FBXO15: variants seen among roughly 807,000 people sequenced by gnomAD.
The protein encoded by FBXO15 is F-box protein 15.
FBXO15 carries 30 observed loss-of-function variants against 49.5 expected under a neutral mutation model. That is an observed-to-expected ratio of 0.61 (90% CI 0.45 to 0.82). The LOEUF (loss-of-function observed/expected upper bound fraction) is 0.82. Ranked by LOEUF, FBXO15 falls within the 40% of genes least tolerant of loss-of-function variation. FBXO15 has a pLI of 0.00. For missense variants in FBXO15, 591 were observed against 631.5 expected, an observed-to-expected ratio of 0.94 and a Z score of 0.69; for synonymous variants, 250 against 232.7, an observed-to-expected ratio of 1.07 and a Z score of -0.68.
At position 74,140,262 on chromosome 18, in the gene FBXO15, T is replaced by C. The variant is rs1488866809; in HGVS notation, c.167A>G (p.His56Arg). 10 of 1,551,480 alleles carry C rather than the reference T, an allele frequency of 6.4e-6. No individual in the cohort carries two copies. The highest frequency in any genetic ancestry group is 1.4e-5 in the African/African-American group (1 of 73,054). ...LSAGSAALRC[H>R]AGGGQHWESS... Reference sequence around the variant, plus strand: ...CTCCCAGTGCTGTCCACCTCCGGCATGGCACCTCAGGGCAGCAGAGCCTGC... The same window carrying C: ...CTCCCAGTGCTGTCCACCTCCGGCACGGCACCTCAGGGCAGCAGAGCCTGC... Residue 56 changes from histidine (H) to arginine (R), a missense_variant, in exon 2 of 10, where the codon CAT becomes CGT. His to Arg is a conservative substitution (Grantham distance 29, BLOSUM62 0). Transcript: ENST00000419743.
intron 4 of FBXO15, 115 bp downstream of exon 4, chr18:74,130,301 A>G: frequency 7.9e-6 from 11 of 1,397,154 alleles, no homozygotes; most frequent in Non-Finnish European, 1.1e-5. Flanking sequence ...TTATAGATGC[A>G]CAAAACACAC....
At chr18:74,078,365 C>T (rs945852801) in intron 9 of FBXO15, 1 of 140,550 alleles carries the variant, frequency 7.1e-6, no homozygotes, top group African/African-American at 2.6e-5. Flanking sequence ...CTTTCCAATG[C>T]CCCCCAGTCA....
chr18:74,145,475 T>C (rs1329041768), intron 1 of FBXO15, among the ~76,000 whole-genome samples: 1 of 152,198 alleles, frequency 6.6e-6, no homozygotes, highest in East Asian at 1.9e-4. Flanking sequence ...GCCCATCTCC[T>C]TAATGTCCTG....
intron 8 of FBXO15, among the ~76,000 whole-genome samples, chr18:74,093,971 A>G (rs1913166612): frequency 1.3e-5 from 2 of 152,244 alleles, no homozygotes; most frequent in South Asian, 4.1e-4. Context: ...GAGACTACAG[A>G]CTTATAAAAT....
rs868440039 is a variant in FBXO15, at chr18:74,074,082, G to A, written c.1264-352C>T. ...CAAATCACACCAACAACCAGTCAGC[G>A]CTTCCGAGCGTGAGGCACCGCATCA... On this transcript the variant is annotated intron_variant, in intron 9 of 9. Coordinates refer to ENST00000419743, the MANE Select transcript of FBXO15 (RefSeq NM_001142958.2). The surrounding 1 kb of genome is among the most constrained non-coding windows in gnomAD (Gnocchi z 4.7). Among the ~76,000 whole-genome samples the A allele has an allele frequency of 3.3e-5, 5 of 152,140 alleles. No homozygotes were observed. The highest frequency in any genetic ancestry group is 4.1e-4 in the South Asian group (2 of 4,822).
intron 8 of FBXO15, among the ~76,000 whole-genome samples, chr18:74,103,241 G>A (rs751326250): frequency 7.9e-5 from 12 of 151,754 alleles, no homozygotes; most frequent in Non-Finnish European, 1.5e-4. Context: ...AAAATTCATA[G>A]GAGGCTCTCA....
intron 8 of FBXO15, among the ~76,000 whole-genome samples, chr18:74,089,156 C>T (rs1326501448): frequency 6.6e-6 from 1 of 152,026 alleles, no homozygotes. Flanking sequence ...TCGACAGGCC[C>T]CAGTGTGCGT....
intron 6 of FBXO15, among the ~76,000 whole-genome samples, 190 bp downstream of exon 6, chr18:74,125,785 C>T (rs1914682337): frequency 6.6e-6 from 1 of 152,052 alleles, no homozygotes; most frequent in Non-Finnish European, 1.5e-5. Flanking sequence ...CATAGCAGAA[C>T]AGCACAGCAG....
chr18:74,093,212 G>A (rs1913124899), intron 8 of FBXO15, among the ~76,000 whole-genome samples: 1 of 136,376 alleles, frequency 7.3e-6, no homozygotes, highest in Admixed American at 7.9e-5. Context: ...CCCACATGCT[G>A]GAAAGAAAGG....
At position 74,082,068 on chromosome 18, in the gene FBXO15, T is replaced by C; in HGVS notation, c.1139-17A>G. The C allele has an allele frequency of 1.2e-6, 2 of 1,607,594 alleles. No homozygotes were observed. Among genetic ancestry groups the C allele is most frequent in the Non-Finnish European group, 1.7e-6 (2 of 1,177,696 alleles). On this transcript the variant is annotated splice_polypyrimidine_tract_variant and intron_variant, in intron 8 of 9. Coordinates refer to ENST00000419743, the MANE Select transcript of FBXO15 (RefSeq NM_001142958.2). ...CAATATTTCCTGAAAAGATATAAGA[T>C]TGTTTCAATCACTGTCTTCCAGTGC...
intron 8 of FBXO15, among the ~76,000 whole-genome samples, chr18:74,091,251 T>A (rs1210076894): frequency 6.6e-6 from 1 of 152,170 alleles, no homozygotes; most frequent in African/African-American, 2.4e-5. Flanking sequence ...CTTGGTAGAT[T>A]TTTCTCATTC....
intron 8 of FBXO15, among the ~76,000 whole-genome samples, chr18:74,088,478 T>G (rs1912850234): frequency 6.6e-6 from 1 of 152,230 alleles, no homozygotes; most frequent in Admixed American, 6.5e-5. Context: ...CCATTGCATG[T>G]TTTTGTCTCT....
At chr18:74,120,112 A>T (rs1410367963) in intron 8 of FBXO15, among the ~76,000 whole-genome samples, 1 of 152,192 alleles carries the variant, frequency 6.6e-6, no homozygotes, top group African/African-American at 2.4e-5. Context: ...CACTGGGGGC[A>T]CCCTCAACAA....
intron 8 of FBXO15, among the ~76,000 whole-genome samples, chr18:74,112,788 C>T (rs1019139006): frequency 1.3e-5 from 2 of 152,242 alleles, no homozygotes. Context: ...TGGCCAAAAT[C>T]CAGGACACTG....
chr18:74,090,023 T>C (rs1912950646), intron 8 of FBXO15, among the ~76,000 whole-genome samples: 1 of 152,184 alleles, frequency 6.6e-6, no homozygotes, highest in Non-Finnish European at 1.5e-5. Context: ...CTGGTAGAAT[T>C]TGGCTGTGAG....
At chr18:74,082,680 CT>C (rs994464588) in intron 8 of FBXO15, among the ~76,000 whole-genome samples, 3 of 152,204 alleles carry the variant, frequency 2.0e-5, no homozygotes, top group Non-Finnish European at 2.9e-5. Context: ...CCACAGGCCT[CT>C]TGTGGCAGGG....
chr18:74,084,100 A>C (rs1054084146), intron 8 of FBXO15, among the ~76,000 whole-genome samples: 4 of 152,234 alleles, frequency 2.6e-5, no homozygotes, highest in African/African-American at 9.6e-5. Context: ...AATATGCAAA[A>C]CATAGCACTA....
Position 74,140,298 on chromosome 18 carries a change from A to G in FBXO15, c.131T>C (p.Val44Ala). Reference protein sequence around the residue: ...RAFGCRKGPGVKLSAGSAALR... With the variant: ...RAFGCRKGPGAKLSAGSAALR... ...GGCAGCAGAGCCTGCAGAAAGCTTG[A>G]CCCCTGGCCCCTTTCTGAAAGTAAA... is the stretch of plus-strand genomic sequence containing the variant. The change falls in exon 2 of 10, where the codon GTC becomes GCC. Residue 44 changes from valine to alanine, a missense_variant. By Grantham distance (64) the Val-to-Ala change is moderately conservative (BLOSUM62 0). Transcript: ENST00000419743. 1 of 1,550,544 alleles carries G rather than the reference A, an allele frequency of 6.4e-7. No homozygotes were observed. Among genetic ancestry groups the G allele is most frequent in the South Asian group, 1.2e-5 (1 of 83,750 alleles).
At chr18:74,145,973 G>A (rs1341844160) in intron 1 of FBXO15, among the ~76,000 whole-genome samples, 3 of 152,124 alleles carry the variant, frequency 2.0e-5, no homozygotes, top group African/African-American at 7.2e-5. Flanking sequence ...GAATCTATAC[G>A]TCTACAAGGT....
Sources: allele counts gnomAD v4.1 joint callset (sites outside exome capture counted in the v4.1 genomes callset), GRCh38; gene constraint gnomAD v4.1.1; non-coding constraint Gnocchi (gnomAD v3.1); transcripts MANE v1.5; gene names NCBI Gene and HGNC (gene_info 2026-07-23, HGNC 2026-07-21).